The following PHLPP1 variants were observed in gnomAD, a reference collection of about 807,000 sequenced individuals.
PHLPP1 encodes the protein PH domain leucine-rich repeat-containing protein phosphatase 1.
In PHLPP1, 42 loss-of-function variants were observed where a neutral mutation model predicts 117.2. The ratio of observed to expected loss-of-function variants is 0.36; its 90% CI spans 0.28 to 0.46. The LOEUF (loss-of-function observed/expected upper bound fraction) is 0.46, where lower values mean the gene tolerates loss of function less well. Ranked by LOEUF, PHLPP1 falls within the 20% of genes least tolerant of loss-of-function variation. The pLI, the probability that PHLPP1 is intolerant of heterozygous loss-of-function variation, is 1.00. For synonymous variants in PHLPP1, 1,042 were observed against 970.7 expected (o/e 1.07, Z -1.37); for missense variants, 2,084 against 2,241.9 (o/e 0.93, Z 1.42).
intron 3 of PHLPP1, among the ~76,000 whole-genome samples, chr18:62,849,834 T>TATATAA (rs1915290941): frequency 1.5e-5 from 1 of 67,134 alleles, no homozygotes; most frequent in Non-Finnish European, 2.9e-5. Context: ...AAAAAAAAAA[T>TATATAA]ATATATATCC....
In PHLPP1 at chr18:62,849,832, A is replaced by ATAT. The variant is rs747097979; in HGVS notation, c.1900-10603_1900-10602insTAT. On this transcript the variant is annotated intron_variant, in intron 3 of 16. Coordinates refer to ENST00000262719, the MANE Select transcript of PHLPP1 (RefSeq NM_194449.4). ...AAAAAAAAAAAAAAAAAAAAAAAAA[A>ATAT]ATATATATATCCTTTAAAGTTTAGT... Among the ~76,000 whole-genome samples, 122 of 33,090 alleles carry ATAT rather than the reference A, an allele frequency of 3.7e-3. 10 individuals carry two copies. Among genetic ancestry groups the ATAT allele is most frequent in the African/African-American group, 7.7e-3 (62 of 8,094 alleles). The allele number at this position is 33,090 out of a possible 152,430, so 21.7% of individuals were successfully genotyped here.
intron 6 of PHLPP1, among the ~76,000 whole-genome samples, chr18:62,896,591 G>A (rs1032691077): frequency 3.9e-5 from 6 of 151,978 alleles, no homozygotes; most frequent in Admixed American, 2.0e-4. Flanking sequence ...CACCATGCCC[G>A]TCCTGTTTTT....
chr18:62,754,708 T>C (rs1911959043), intron 1 of PHLPP1, among the ~76,000 whole-genome samples: 1 of 152,166 alleles, frequency 6.6e-6, no homozygotes, highest in Non-Finnish European at 1.5e-5. Context: ...CCCCCTGTAA[T>C]TTGCTATAAG....
chr18:62,790,100 A>T (rs945412306), intron 1 of PHLPP1, among the ~76,000 whole-genome samples: 3 of 152,200 alleles, frequency 2.0e-5, no homozygotes, highest in Non-Finnish European at 2.9e-5. Flanking sequence ...CTTTCCATGA[A>T]TTTTTTACAA....
chr18:62,781,701 A>T (rs1421031153), intron 1 of PHLPP1, among the ~76,000 whole-genome samples: 3 of 152,040 alleles, frequency 2.0e-5, no homozygotes, highest in Non-Finnish European at 4.4e-5. Flanking sequence ...AATATGTGTG[A>T]TTTTAATTTA....
At chr18:62,975,254 G>A (rs1490554786) in intron 15 of PHLPP1, 143 bp from the exon 16 acceptor site, 3 of 633,946 alleles carry the variant, frequency 4.7e-6, no homozygotes. Flanking sequence ...GCAGAGCAGT[G>A]TGTGCTTTGA....
intron 1 of PHLPP1, among the ~76,000 whole-genome samples, chr18:62,819,918 G>T (rs1390314910): frequency 6.6e-6 from 1 of 152,180 alleles, no homozygotes; most frequent in African/African-American, 2.4e-5. Context: ...CAAGTGCTGG[G>T]ATTACAGGTG....
At chr18:62,923,446 T>C (rs1264334094) in intron 10 of PHLPP1, among the ~76,000 whole-genome samples, 1 of 152,188 alleles carries the variant, frequency 6.6e-6, no homozygotes, top group Non-Finnish European at 1.5e-5. Context: ...GCAACTGATA[T>C]AGTAGAATCA....
chr18:62,783,482 C>A (rs1409324445), intron 1 of PHLPP1, among the ~76,000 whole-genome samples: 6 of 151,994 alleles, frequency 3.9e-5, no homozygotes, highest in Non-Finnish European at 8.8e-5. Context: ...CCCGCCTTGG[C>A]CTCCCAAAGT....
In PHLPP1 at chr18:62,830,153, T is replaced by G. The variant is rs1914717423; in HGVS notation, c.1695T>G (p.Cys565Trp). The G allele has an allele frequency of 1.2e-6, 2 of 1,603,938 alleles. No individual in the cohort carries two copies. The highest frequency in any genetic ancestry group is 1.7e-6 in the Non-Finnish European group (2 of 1,175,038). Residue 565 changes from cysteine (C) to tryptophan (W), a missense_variant, in exon 2 of 17, where the codon TGT becomes TGG. Around this residue, in one of 2 missense-constraint regions of PHLPP1, gnomAD observed 1,365 missense variants for 1,605.9 expected, o/e 0.85. Coordinates refer to ENST00000262719, the MANE Select transcript of PHLPP1 (RefSeq NM_194449.4). ...GGACAAGACGCCAAGTCATCCTATG[T>G]GGGACCTGCCTGATAGTATCATCTG... ...NRWTRRQVIL[C>W]GTCLIVSSVK...
chr18:62,905,572 A>G (rs2144409628), intron 8 of PHLPP1, among the ~76,000 whole-genome samples: 1 of 152,316 alleles, frequency 6.6e-6, no homozygotes, highest in African/African-American at 2.4e-5. Flanking sequence ...TCTTTTCATT[A>G]TATGAATCAT....
At position 62,860,501 on chromosome 18, in the gene PHLPP1, C is replaced by G; in HGVS notation, c.1966C>G (p.Leu656Val). Residue 656 changes from leucine (L) to valine (V), a missense_variant, in exon 4 of 17, where the codon CTC becomes GTC. Leu to Val is a conservative substitution (Grantham distance 32). Coordinates refer to ENST00000262719, the MANE Select transcript of PHLPP1 (RefSeq NM_194449.4). ...TAGCCTGGAACATCTGCCTGCCAAC[C>G]TCTTCTACAGCCAAGACCTCACTCA... ...CCSLEHLPAN[L>V]FYSQDLTHLN... 2 of 1,613,894 alleles carry G rather than the reference C, an allele frequency of 1.2e-6. No individual in the cohort carries two copies. Among genetic ancestry groups the G allele is most frequent in the South Asian group, 2.2e-5 (2 of 91,070 alleles).
At chr18:62,743,807 C>T (rs2122077216) in intron 1 of PHLPP1, among the ~76,000 whole-genome samples, 1 of 152,114 alleles carries the variant, frequency 6.6e-6, no homozygotes, top group South Asian at 2.1e-4. Flanking sequence ...TTGCAATTTA[C>T]TTGTTGAAAA....
intron 9 of PHLPP1, among the ~76,000 whole-genome samples, chr18:62,919,105 G>A (rs1909384002): frequency 6.6e-6 from 1 of 152,162 alleles, no homozygotes; most frequent in Admixed American, 6.5e-5. Context: ...TAGGCAGATT[G>A]ATAAATTAAT....
chr18:62,781,439 C>T (rs1160067100), intron 1 of PHLPP1, among the ~76,000 whole-genome samples: 1 of 152,192 alleles, frequency 6.6e-6, no homozygotes, highest in African/African-American at 2.4e-5. Context: ...TGTCTTGTTC[C>T]TGTCTAACCT....
At chr18:62,740,133 T>A (rs1911479581) in intron 1 of PHLPP1, among the ~76,000 whole-genome samples, 1 of 143,602 alleles carries the variant, frequency 7.0e-6, no homozygotes, top group Non-Finnish European at 1.5e-5. Context: ...CTGCTCCTAA[T>A]CTGTAGGGGT....
chr18:62,716,960 C>G lies in PHLPP1; in HGVS notation c.1277C>G (p.Pro426Arg). 3 of 1,538,894 alleles carry G rather than the reference C, an allele frequency of 1.9e-6. No individual in the cohort carries two copies. Among genetic ancestry groups the G allele is most frequent in the East Asian group, 4.9e-5 (2 of 40,810 alleles). ...QQKAPRAIDSPGGAVREGSCE... is the reference protein window; with the variant it reads ...QQKAPRAIDSRGGAVREGSCE... The stretch of plus-strand genomic sequence containing the variant: ...AAAGCCCCGAGGGCCATTGACAGCC[C>G]GGGCGGGGCCGTCCGCGAGGGGTCG... Residue 426 changes from proline to arginine, a missense_variant, in exon 1 of 17, where the codon CCG (proline) becomes CGG (arginine). Pro to Arg is a moderately radical substitution (Grantham distance 103). This residue lies in a region of PHLPP1 where 719 missense variants were observed against 636.0 expected (regional missense o/e 1.13). Coordinates refer to ENST00000262719, the MANE Select transcript of PHLPP1 (RefSeq NM_194449.4). The surrounding 1 kb of genome is among the most constrained non-coding windows in gnomAD (Gnocchi z 5.7).
chr18:62,764,579 C>T (rs1247220853), intron 1 of PHLPP1, among the ~76,000 whole-genome samples: 1 of 152,006 alleles, frequency 6.6e-6, no homozygotes, highest in African/African-American at 2.4e-5. Context: ...TGGTGAAACC[C>T]CGTCTCTACT....
At chr18:62,933,588 A>T (rs567614493) in intron 10 of PHLPP1, among the ~76,000 whole-genome samples, 2 of 152,100 alleles carry the variant, frequency 1.3e-5, no homozygotes, top group Non-Finnish European at 2.9e-5. Context: ...CTGGACCCCT[A>T]CCTCCCACCA....
Sources: gnomAD v4.1 joint callset for allele counts (sites outside exome capture counted in the v4.1 genomes callset) on GRCh38, gnomAD v4.1.1 for gene constraint, gnomAD v4.1.1 regional missense constraint, Gnocchi (gnomAD v3.1) non-coding constraint, MANE v1.5 for transcripts, NCBI Gene and HGNC (gene_info 2026-07-23, HGNC 2026-07-21) for gene names.